FILIP1L: variants seen among roughly 807,000 people sequenced by gnomAD.
FILIP1L encodes the protein filamin A interacting protein 1 like, also known as filamin A-interacting protein 1-like.
FILIP1L carries 55 observed loss-of-function variants against 96.6 expected under a neutral mutation model. The ratio of observed to expected loss-of-function variants is 0.57; its 90% CI spans 0.46 to 0.71. FILIP1L has a LOEUF of 0.71. Among genes scored for constraint, FILIP1L ranks in the 30% least tolerant of loss-of-function variants. The probability of loss-of-function intolerance (pLI) is 0.00; values close to 1 mark genes in which losing one functional copy is unlikely to be tolerated. For missense variants in FILIP1L, 1,304 were observed against 1,321.2 expected (o/e 0.99, Z 0.20); for synonymous variants, 467 against 473.9 (o/e 0.99, Z 0.19).
chr3:99,836,726 C>T (rs956173984), intron 5 of FILIP1L, among the ~76,000 whole-genome samples: 1 of 152,124 alleles, frequency 6.6e-6, no homozygotes, highest in Non-Finnish European at 1.5e-5. Context: ...CATTTATTCC[C>T]ATTACTTGAA....
intron 1 of FILIP1L, among the ~76,000 whole-genome samples, chr3:99,945,165 T>C (rs188844483): frequency 6.6e-6 from 1 of 152,228 alleles, no homozygotes; most frequent in East Asian, 1.9e-4. Context: ...ACCCTATGAG[T>C]TCGGGTTAAG....
intron 4 of FILIP1L, among the ~76,000 whole-genome samples, chr3:99,885,558 C>T (rs1705865808): frequency 6.6e-6 from 1 of 152,224 alleles, no homozygotes; most frequent in Non-Finnish European, 1.5e-5. Flanking sequence ...GATACTTCTT[C>T]ATTTCCTTTT....
At position 100,013,434 on chromosome 3, in the gene FILIP1L, G is replaced by A. The variant is rs920715789; in HGVS notation, c.-10-82404C>T. ...AATTTTTATATTTTTAGTAGAGACC[G>A]GGTTTCCCCATGTTGGCCAGACTGG... On this transcript the variant is annotated intron_variant, in intron 1 of 5. Coordinates refer to ENST00000477258, the MANE Select transcript of FILIP1L (RefSeq NM_001387850.1). Among the ~76,000 whole-genome samples the A allele has an allele frequency of 1.1e-4, 17 of 151,508 alleles. 1 individual carries two copies. Among genetic ancestry groups the A allele is most frequent in the Admixed American group, 7.2e-4 (11 of 15,202 alleles).
At chr3:99,904,594 CT>C (rs1186245625) in intron 4 of FILIP1L, among the ~76,000 whole-genome samples, 2 of 152,024 alleles carry the variant, frequency 1.3e-5, no homozygotes, top group African/African-American at 4.8e-5. Context: ...GGTTTCCTTA[CT>C]TTTCTCTTTT....
intron 4 of FILIP1L, among the ~76,000 whole-genome samples, chr3:99,888,658 G>A (rs1191635682): frequency 6.6e-6 from 1 of 152,088 alleles, no homozygotes; most frequent in African/African-American, 2.4e-5. Flanking sequence ...TTATATACTG[G>A]CTGTGGAAGG....
At chr3:99,891,986 A>G (rs994819611) in intron 4 of FILIP1L, among the ~76,000 whole-genome samples, 2 of 152,196 alleles carry the variant, frequency 1.3e-5, no homozygotes, top group African/African-American at 4.8e-5. Context: ...ATACAATATA[A>G]TAATTTTTCT....
Position 99,876,351 on chromosome 3 carries a change from C to G in FILIP1L, c.606-25281G>C, listed in dbSNP as rs537191766. 1.0e-5 allele frequency: 4 copies of G among 397,272 alleles called. No individual in the cohort carries two copies. The South Asian group carries it at 4.1e-4, about 41-fold the overall frequency. 24.6% of individuals were successfully genotyped at this position (397,272 alleles called of 1,614,324 possible). ...GGATGTTCCGGCCGTGTGAACGGAC[C>G]GTGGTTCCCGGCTCCCAGCGGAGGG... is the stretch of plus-strand genomic sequence containing the variant. On this transcript the variant is annotated intron_variant, in intron 4 of 5. Transcript: ENST00000477258.
intron 1 of FILIP1L, chr3:100,051,213 A>G (rs1477331557): frequency 2.0e-5 from 3 of 152,006 alleles, no homozygotes; most frequent in Non-Finnish European, 4.4e-5. Context: ...ATTTTTTCCG[A>G]TATTCTGTTT....
At chr3:99,842,467 C>G (rs1261942544) in intron 5 of FILIP1L, among the ~76,000 whole-genome samples, 2 of 149,316 alleles carry the variant, frequency 1.3e-5, no homozygotes, top group Non-Finnish European at 3.0e-5. Flanking sequence ...CCACTTGTTC[C>G]CCAAAAACCT....
chr3:99,856,582 G>A (rs915374439), intron 4 of FILIP1L, among the ~76,000 whole-genome samples: 2 of 152,216 alleles, frequency 1.3e-5, no homozygotes, highest in East Asian at 1.9e-4. Context: ...ACAGCTTTCC[G>A]TTAGAGTTTC....
At chr3:99,989,442 C>G (rs1709447448) in intron 1 of FILIP1L, among the ~76,000 whole-genome samples, 1 of 152,202 alleles carries the variant, frequency 6.6e-6, no homozygotes, top group Non-Finnish European at 1.5e-5. Flanking sequence ...CCCACATTTT[C>G]TGGAGACCCA....
rs1457862999 is a variant in FILIP1L at position 99,829,414 on chromosome 3, G to T, written c.*1000C>A. On this transcript the variant is annotated 3_prime_UTR_variant, in exon 6 of 6. Coordinates refer to ENST00000477258, the MANE Select transcript of FILIP1L (RefSeq NM_001387850.1). ...GAATTGCTTTAGCTTTCTGCCAGGG[G>T]ACTGTGTCTACCCTTATAGATGACT... is the stretch of plus-strand genomic sequence containing the variant. 6.6e-6 allele frequency among the ~76,000 whole-genome samples: 1 copy of T among 152,178 alleles called. No homozygotes were observed. Among genetic ancestry groups the T allele is most frequent in the African/African-American group, 2.4e-5 (1 of 41,438 alleles).
At chr3:99,938,929 A>T (rs1707775356) in intron 1 of FILIP1L, among the ~76,000 whole-genome samples, 1 of 152,226 alleles carries the variant, frequency 6.6e-6, no homozygotes, top group African/African-American at 2.4e-5. Flanking sequence ...CTAAAAAAAG[A>T]CAATTGAAAA....
intron 1 of FILIP1L, among the ~76,000 whole-genome samples, chr3:100,014,874 C>CTTTTTTTT (rs200759774): frequency 2.0e-3 from 57 of 28,158 alleles, no homozygotes; most frequent in Non-Finnish European, 2.5e-3. Context: ...TTTTTCTTTT[C>CTTTTTTTT]TTTTTTTTTT....
At chr3:100,076,143 C>A (rs2065846853) in intron 1 of FILIP1L, among the ~76,000 whole-genome samples, 1 of 152,184 alleles carries the variant, frequency 6.6e-6, no homozygotes, top group Non-Finnish European at 1.5e-5. Context: ...TGTTAGTTAT[C>A]TTGCCCGGAA....
intron 1 of FILIP1L, among the ~76,000 whole-genome samples, chr3:99,978,850 A>G (rs1271065653): frequency 6.6e-6 from 1 of 152,116 alleles, no homozygotes; most frequent in Non-Finnish European, 1.5e-5. Context: ...ACACCACTGC[A>G]CTCCAGCCTG....
intron 4 of FILIP1L, chr3:99,898,372 A>G (rs981150139): frequency 2.6e-5 from 4 of 152,234 alleles, no homozygotes; most frequent in Non-Finnish European, 4.4e-5. Context: ...TTTTCATTCC[A>G]TTATAAATAG....
chr3:100,095,491 C>T (rs2066189234), intron 1 of FILIP1L, among the ~76,000 whole-genome samples: 1 of 152,012 alleles, frequency 6.6e-6, no homozygotes, highest in Admixed American at 6.6e-5. Flanking sequence ...TTAATTTTGA[C>T]AGTCATACCG....
chr3:99,908,909 C>T (rs1208576375), intron 4 of FILIP1L, among the ~76,000 whole-genome samples: 1 of 151,786 alleles, frequency 6.6e-6, no homozygotes, highest in Non-Finnish European at 1.5e-5. Flanking sequence ...TAATGGGAAT[C>T]TTAATTAGCT....
Sources: gnomAD v4.1 joint callset for allele counts (sites outside exome capture counted in the v4.1 genomes callset) on GRCh38, gnomAD v4.1.1 for gene constraint, MANE v1.5 for transcripts, NCBI Gene and HGNC (gene_info 2026-07-23, HGNC 2026-07-21) for gene names.